TMEM132D: variants seen among roughly 807,000 people sequenced by gnomAD.
TMEM132D encodes the protein mature OL transmembrane protein.
TMEM132D carries 21 observed loss-of-function variants against 62.3 expected under a neutral mutation model. The ratio of observed to expected loss-of-function variants is 0.34; its 90% CI spans 0.24 to 0.49. TMEM132D has a LOEUF of 0.49. Ranked by LOEUF, TMEM132D falls within the 20% of genes least tolerant of loss-of-function variation. TMEM132D has a pLI of 0.99. For missense variants in TMEM132D, 1,346 were observed against 1,402.8 expected (o/e 0.96, Z 0.65); for synonymous variants, 621 against 575.6 (o/e 1.08, Z -1.13).
chr12:129,834,009 G>A (rs891242549), intron 1 of TMEM132D, among the ~76,000 whole-genome samples: 3 of 152,156 alleles, frequency 2.0e-5, no homozygotes, highest in Admixed American at 2.0e-4. Flanking sequence ...GAATCACTGA[G>A]GGGGTGTCAT....
At position 129,209,615 on chromosome 12, in the gene TMEM132D, C is replaced by T. The variant is rs184779750; in HGVS notation, c.1348G>A (p.Val450Ile). The T allele has an allele frequency of 1.3e-5, 21 of 1,614,206 alleles. No individual in the cohort carries two copies. Among genetic ancestry groups the T allele is most frequent in the Admixed American group, 1.0e-4 (6 of 60,038 alleles). Residue 450 changes from valine (V) to isoleucine (I), a missense_variant, in exon 5 of 9, where the codon GTC becomes ATC. Val to Ile is a conservative substitution (Grantham distance 29). Coordinates refer to ENST00000422113, the MANE Select transcript of TMEM132D (RefSeq NM_133448.3). ...TCCACGGAGACCACTTTCACCGGGA[C>T]GGCCACCGTCTTCCCCGTGAGGATG... is the stretch of plus-strand genomic sequence containing the variant. ...TAILTGKTVA[V>I]PVKVVSVEDD...
chr12:129,723,505 G>A (rs576978294), intron 1 of TMEM132D, among the ~76,000 whole-genome samples: 19 of 152,170 alleles, frequency 1.2e-4, no homozygotes, highest in Non-Finnish European at 2.4e-4. Flanking sequence ...CAGGACTAGC[G>A]GACAAAGAGG....
intron 4 of TMEM132D, among the ~76,000 whole-genome samples, chr12:129,244,403 A>AAAAAAC (rs1880031396): frequency 6.9e-6 from 1 of 145,690 alleles, no homozygotes; most frequent in African/African-American, 2.6e-5. Context: ...AAAAAAAAAA[A>AAAAAAC]AAAAAACAAA....
At chr12:129,824,533 G>A (rs1872613243) in intron 1 of TMEM132D, among the ~76,000 whole-genome samples, 1 of 152,052 alleles carries the variant, frequency 6.6e-6, no homozygotes, top group Non-Finnish European at 1.5e-5. Context: ...GCTTAGATGA[G>A]GTCACAACGG....
intron 2 of TMEM132D, among the ~76,000 whole-genome samples, chr12:129,667,539 C>T (rs778038593): frequency 1.9e-4 from 29 of 152,050 alleles, no homozygotes; most frequent in Admixed American, 1.2e-3. Context: ...GAATGACTTA[C>T]GATGACCAGG....
chr12:129,275,467 G>C (rs1880977956), intron 4 of TMEM132D, among the ~76,000 whole-genome samples: 1 of 152,130 alleles, frequency 6.6e-6, no homozygotes, highest in South Asian at 2.1e-4. Context: ...CTCTCTAGTA[G>C]AGACATATTT....
intron 3 of TMEM132D, among the ~76,000 whole-genome samples, chr12:129,476,415 A>C (rs1484712270): frequency 1.3e-5 from 2 of 152,210 alleles, no homozygotes; most frequent in Non-Finnish European, 2.9e-5. Context: ...GACCCACTGC[A>C]CGTATGCCAA....
intron 4 of TMEM132D, among the ~76,000 whole-genome samples, chr12:129,258,633 G>A (rs918750663): frequency 6.6e-6 from 1 of 152,178 alleles, no homozygotes; most frequent in African/African-American, 2.4e-5. Flanking sequence ...CATTTTGCTA[G>A]TCAGTCACGT....
rs1035535257 is a variant in TMEM132D at position 129,139,040 on chromosome 12, C to T, written c.1444-54338G>A. ...GACAAGCACATTAAAATCTTCCCTT[C>T]CCCCAGCTTTGAAATCGTGTTTGCA... On this transcript the variant is annotated intron_variant, in intron 5 of 8. Coordinates refer to ENST00000422113, the MANE Select transcript of TMEM132D (RefSeq NM_133448.3). Among the ~76,000 whole-genome samples, 4 of 152,158 alleles carry T rather than the reference C, an allele frequency of 2.6e-5. No individual in the cohort carries two copies. The East Asian group carries it at 5.8e-4, about 22-fold the overall frequency.
intron 2 of TMEM132D, among the ~76,000 whole-genome samples, chr12:129,552,496 A>C (rs895120644): frequency 6.6e-6 from 1 of 151,898 alleles, no homozygotes; most frequent in Admixed American, 6.6e-5. Context: ...CTACATTATC[A>C]TCTATTATCT....
chr12:129,286,395 G>A (rs921745308), intron 4 of TMEM132D, among the ~76,000 whole-genome samples: 3 of 152,218 alleles, frequency 2.0e-5, no homozygotes, highest in Non-Finnish European at 4.4e-5. Flanking sequence ...GGCATGGGTA[G>A]TCTACTGGGA....
intron 1 of TMEM132D, among the ~76,000 whole-genome samples, chr12:129,862,802 CG>C (rs1566012128): frequency 1.3e-5 from 2 of 151,188 alleles, no homozygotes; most frequent in African/African-American, 4.9e-5. Flanking sequence ...AATAAAAACA[CG>C]ACTGAAAGCT....
intron 1 of TMEM132D, among the ~76,000 whole-genome samples, chr12:129,767,475 C>A (rs1421870676): frequency 6.6e-6 from 1 of 152,112 alleles, no homozygotes; most frequent in Non-Finnish European, 1.5e-5. Flanking sequence ...CTGAAACTGT[C>A]CTCAGTAAAA....
intron 3 of TMEM132D, chr12:129,521,476 C>T (rs1374393312): frequency 1.3e-5 from 2 of 151,980 alleles, no homozygotes; most frequent in Middle Eastern, 3.4e-3. Flanking sequence ...AGAAAAAGCT[C>T]TAAAAGGAAA....
intron 5 of TMEM132D, chr12:129,085,051 C>T (rs922948601): frequency 9.8e-6 from 4 of 407,586 alleles, no homozygotes; most frequent in African/African-American, 2.1e-5. Flanking sequence ...TCAGAGTTAC[C>T]CGGGAGTTAT....
intron 4 of TMEM132D, among the ~76,000 whole-genome samples, chr12:129,332,220 A>C (rs543914788): frequency 2.0e-5 from 3 of 152,126 alleles, no homozygotes; most frequent in Admixed American, 6.5e-5. Context: ...TTTACTTACA[A>C]CATAGTAAGG....
chr12:129,565,193 C>A (rs1367226613), intron 2 of TMEM132D, among the ~76,000 whole-genome samples: 1 of 152,222 alleles, frequency 6.6e-6, no homozygotes, highest in African/African-American at 2.4e-5. Context: ...ATATTGATCA[C>A]CAGCCCCACA....
intron 3 of TMEM132D, among the ~76,000 whole-genome samples, chr12:129,408,276 T>C (rs775784470): frequency 5.3e-5 from 8 of 152,092 alleles, no homozygotes; most frequent in Non-Finnish European, 1.2e-4. Flanking sequence ...ATTTTAAGCA[T>C]CTGTTTTTCT....
At chr12:129,696,081 A>G (rs1462241250) in intron 2 of TMEM132D, among the ~76,000 whole-genome samples, 2 of 152,206 alleles carry the variant, frequency 1.3e-5, no homozygotes, top group Non-Finnish European at 2.9e-5. Context: ...TTAAGCTCAC[A>G]GGGTCAATTT....
Sources: allele counts gnomAD v4.1 joint callset (sites outside exome capture counted in the v4.1 genomes callset), GRCh38; gene constraint gnomAD v4.1.1; transcripts MANE v1.5; gene names NCBI Gene and HGNC (gene_info 2026-07-23, HGNC 2026-07-21).